SNX29: variants seen among roughly 807,000 people sequenced by gnomAD.
The protein encoded by SNX29 is sorting nexin-29.
In SNX29, 78 loss-of-function variants were observed where a neutral mutation model predicts 102.1. That is an observed-to-expected ratio of 0.76 (90% CI 0.64 to 0.92). The LOEUF (loss-of-function observed/expected upper bound fraction) is 0.92. Ranked by LOEUF, SNX29 falls within the 40% of genes least tolerant of loss-of-function variation. SNX29 has a pLI of 0.00. For synonymous variants in SNX29, 580 were observed against 414.5 expected, an observed-to-expected ratio of 1.40 and a Z score of -4.85; for missense variants, 1,280 against 1,061.7, an observed-to-expected ratio of 1.21 and a Z score of -2.86.
chr16:12,441,606 G>C (rs2085810718), intron 18 of SNX29, among the ~76,000 whole-genome samples: 1 of 152,072 alleles, frequency 6.6e-6, no homozygotes, highest in Admixed American at 6.6e-5. Flanking sequence ...GTCCTTTGAA[G>C]CACAAAAGTT....
intron 11 of SNX29, among the ~76,000 whole-genome samples, chr16:12,110,400 T>C (rs891867949): frequency 2.6e-5 from 4 of 152,198 alleles, no homozygotes; most frequent in Non-Finnish European, 4.4e-5. Flanking sequence ...GAACAGACTT[T>C]TTCCTTTTCT....
intron 18 of SNX29, among the ~76,000 whole-genome samples, chr16:12,467,409 C>G (rs543679758): frequency 6.6e-6 from 1 of 152,306 alleles, no homozygotes; most frequent in South Asian, 2.1e-4. Context: ...AGATGACAGT[C>G]CCATGCTCTG....
chr16:12,217,101 T>G (rs1000673244), intron 14 of SNX29, among the ~76,000 whole-genome samples: 2 of 152,222 alleles, frequency 1.3e-5, no homozygotes, highest in Admixed American at 6.5e-5. Flanking sequence ...TGATCATGGC[T>G]TACCTCATCC....
chr16:12,352,225 A>C (rs2082009512), intron 15 of SNX29, among the ~76,000 whole-genome samples: 1 of 152,214 alleles, frequency 6.6e-6, no homozygotes, highest in Non-Finnish European at 1.5e-5. Context: ...ACGGACATGG[A>C]TGAAGCTGGA....
chr16:12,347,038 G>T (rs981817050), intron 15 of SNX29, among the ~76,000 whole-genome samples: 8 of 152,160 alleles, frequency 5.3e-5, no homozygotes, highest in Non-Finnish European at 1.2e-4. Flanking sequence ...GATGGGTGTT[G>T]TCCCTCTTTA....
chr16:12,352,924 A>G lies in SNX29; in HGVS notation c.1783-3239A>G, dbSNP rs111248160. ...CTGAGGATAGAAGGAAGCACATCAGACTCTCAAACTGATGATGTCAGGACA... is the reference window on the plus strand; with the variant it reads ...CTGAGGATAGAAGGAAGCACATCAGGCTCTCAAACTGATGATGTCAGGACA... On this transcript the variant is annotated intron_variant, in intron 15 of 20. Coordinates refer to ENST00000566228, the MANE Select transcript of SNX29 (RefSeq NM_032167.5). Among the ~76,000 whole-genome samples the G allele has an allele frequency of 2.0e-3, 297 of 152,202 alleles. 2 individuals are homozygous for G. Among genetic ancestry groups the G allele is most frequent in the African/African-American group, 6.8e-3 (282 of 41,518 alleles).
chr16:12,018,585 G>GAAA (rs1332146892), intron 3 of SNX29, among the ~76,000 whole-genome samples: 1 of 137,468 alleles, frequency 7.3e-6, no homozygotes, highest in Non-Finnish European at 1.6e-5. Context: ...TCTGTCTCAA[G>GAAA]AAAAAAAAAA....
intron 13 of SNX29, among the ~76,000 whole-genome samples, chr16:12,149,394 C>G (rs972666636): frequency 1.2e-4 from 18 of 152,166 alleles, no homozygotes; most frequent in African/African-American, 4.3e-4. Flanking sequence ...CATTGTCACT[C>G]CAAATAAAAC....
At chr16:12,427,219 A>G (rs959912130) in intron 18 of SNX29, among the ~76,000 whole-genome samples, 3 of 152,070 alleles carry the variant, frequency 2.0e-5, no homozygotes, top group Non-Finnish European at 4.4e-5. Flanking sequence ...CTCTGTCACC[A>G]TGCAGGGTTT....
chr16:12,201,647 G>T (rs767948291), intron 14 of SNX29, among the ~76,000 whole-genome samples: 5 of 152,178 alleles, frequency 3.3e-5, no homozygotes, highest in Non-Finnish European at 5.9e-5. Flanking sequence ...GGACACTGCC[G>T]CTGGGAGTTA....
chr16:12,546,757 A>C (rs1047427455), intron 20 of SNX29: 1 of 133,994 alleles, frequency 7.5e-6, no homozygotes, highest in South Asian at 2.6e-4. Context: ...TAGACATTTA[A>C]ACAGCTACCT....
chr16:12,258,702 G>A (rs781103594), intron 14 of SNX29, among the ~76,000 whole-genome samples: 4 of 152,290 alleles, frequency 2.6e-5, no homozygotes, highest in East Asian at 1.9e-4. Context: ...TTCTTGGAGA[G>A]TGAATGGTAC....
intron 2 of SNX29, among the ~76,000 whole-genome samples, chr16:12,001,613 A>G (rs1378605879): frequency 6.6e-6 from 1 of 152,126 alleles, no homozygotes; most frequent in African/African-American, 2.4e-5. Context: ...ACACACACAT[A>G]TACACATACA....
At chr16:12,039,130 A>C (rs3971415) in intron 4 of SNX29, among the ~76,000 whole-genome samples, 1 of 148,630 alleles carries the variant, frequency 6.7e-6, no homozygotes, top group African/African-American at 2.5e-5. Context: ...ACACTCATAC[A>C]GATGTATACA....
chr16:12,126,802 T>C (rs1298544134), intron 12 of SNX29, 106 bp downstream of exon 12: 41 of 1,210,536 alleles, frequency 3.4e-5, no homozygotes, highest in Non-Finnish European at 4.6e-5. Flanking sequence ...TTGGCAAAAA[T>C]TGTGACTGGC....
chr16:12,544,771 C>T (rs1794316), intron 20 of SNX29, among the ~76,000 whole-genome samples: 17,338 of 152,280 alleles, frequency 0.11, 1,329 homozygotes, highest in Non-Finnish European at 0.16. Flanking sequence ...GGTCGCACAG[C>T]TGGTAAACTG....
At chr16:12,270,970 G>A (rs1438401404) in intron 14 of SNX29, among the ~76,000 whole-genome samples, 1 of 152,170 alleles carries the variant, frequency 6.6e-6, no homozygotes, top group Non-Finnish European at 1.5e-5. Context: ...TTGAACTGGG[G>A]AGGTGGAGGT....
intron 11 of SNX29, among the ~76,000 whole-genome samples, chr16:12,091,223 C>G (rs938995973): frequency 6.6e-6 from 1 of 152,060 alleles, no homozygotes; most frequent in East Asian, 1.9e-4. Flanking sequence ...GAAGGTCATA[C>G]TGCTATTGGG....
At chr16:12,536,592 A>G (rs188669498) in intron 20 of SNX29, among the ~76,000 whole-genome samples, 54 of 152,304 alleles carry the variant, frequency 3.5e-4, no homozygotes, top group African/African-American at 1.3e-3. Context: ...CCTAGCACAG[A>G]GAACGCACTA....
Sources: allele counts gnomAD v4.1 joint callset (sites outside exome capture counted in the v4.1 genomes callset), GRCh38; gene constraint gnomAD v4.1.1; transcripts MANE v1.5; gene names NCBI Gene and HGNC (gene_info 2026-07-23, HGNC 2026-07-21).